Variants in NRXN1 observed in about 807,000 individuals in gnomAD.
NRXN1 encodes neurexin-1.
In NRXN1, 39 loss-of-function variants were observed where a neutral mutation model predicts 150.9. The observed-to-expected ratio is 0.26, with a 90% CI of 0.20 to 0.34. The LOEUF is 0.34. Ranked by LOEUF, NRXN1 falls within the 10% of genes least tolerant of loss-of-function variation. The probability of loss-of-function intolerance (pLI) is 1.00; values close to 1 mark genes in which losing one functional copy is unlikely to be tolerated. For synonymous variants in NRXN1, 924 were observed against 757.0 expected, an observed-to-expected ratio of 1.22 and a Z score of -3.62; for missense variants, 1,815 against 1,949.9, an observed-to-expected ratio of 0.93 and a Z score of 1.30.
At position 50,800,309 on chromosome 2, in the gene NRXN1, T is replaced by C. The variant is rs562821708; in HGVS notation, c.832+121560A>G. Among the ~76,000 whole-genome samples the C allele has an allele frequency of 1.6e-3, 248 of 152,340 alleles. 2 individuals carry two copies. Among genetic ancestry groups the C allele is most frequent in the African/African-American group, 5.8e-3 (241 of 41,586 alleles). ...GGATCACTCTTCCCGTCTCAAATCATCCTCTATTCACACCAGGTTAAGCCT... is the reference window on the plus strand; with the variant it reads ...GGATCACTCTTCCCGTCTCAAATCACCCTCTATTCACACCAGGTTAAGCCT... On this transcript the variant is annotated intron_variant, in intron 5 of 22. Transcript: ENST00000401669.
chr2:50,988,743 TTA>T (rs1437708100), intron 2 of NRXN1, among the ~76,000 whole-genome samples: 1 of 151,972 alleles, frequency 6.6e-6, no homozygotes, highest in Admixed American at 6.6e-5. Context: ...AACACAGGCG[TTA>T]GCAGCTGCTG....
chr2:50,896,185 G>A (rs1187743657), intron 5 of NRXN1, among the ~76,000 whole-genome samples: 1 of 151,962 alleles, frequency 6.6e-6, no homozygotes, highest in Non-Finnish European at 1.5e-5. Flanking sequence ...TCTTTCATCT[G>A]GTCTCTAAAT....
chr2:50,571,242 A>C (rs770504526), intron 8 of NRXN1, among the ~76,000 whole-genome samples: 1 of 152,206 alleles, frequency 6.6e-6, no homozygotes, highest in Non-Finnish European at 1.5e-5. Context: ...CAACCCTAAT[A>C]GCTGATTGCT....
intron 5 of NRXN1, among the ~76,000 whole-genome samples, chr2:50,750,727 G>A (rs966577947): frequency 2.6e-5 from 4 of 151,860 alleles, no homozygotes; most frequent in African/African-American, 9.7e-5. Flanking sequence ...AACCACCACC[G>A]AAGTACTGAC....
chr2:50,270,727 T>C (rs2069496147), intron 17 of NRXN1, among the ~76,000 whole-genome samples: 1 of 151,404 alleles, frequency 6.6e-6, no homozygotes, highest in South Asian at 2.1e-4. Context: ...TGGAGTGCAG[T>C]GGTGCGATCT....
intron 18 of NRXN1, among the ~76,000 whole-genome samples, chr2:50,182,769 G>T (rs1453741331): frequency 6.6e-6 from 1 of 152,008 alleles, no homozygotes; most frequent in Non-Finnish European, 1.5e-5. Context: ...TAAAAAGAAA[G>T]TTATTTCAAA....
intron 5 of NRXN1, among the ~76,000 whole-genome samples, chr2:50,746,525 T>C (rs1034747147): frequency 6.6e-6 from 1 of 151,636 alleles, no homozygotes; most frequent in African/African-American, 2.4e-5. Context: ...GATACTACAC[T>C]GCAGCCTGGG....
At chr2:50,991,855 G>A (rs1698592326) in intron 2 of NRXN1, among the ~76,000 whole-genome samples, 1 of 151,962 alleles carries the variant, frequency 6.6e-6, no homozygotes, top group Admixed American at 6.6e-5. Context: ...CATAACTTCA[G>A]TTTCAATAAA....
intron 2 of NRXN1, among the ~76,000 whole-genome samples, chr2:50,993,306 T>C (rs1698816446): frequency 6.6e-6 from 1 of 151,962 alleles, no homozygotes; most frequent in South Asian, 2.1e-4. Context: ...TATGCACATT[T>C]ATATAGTTAG....
chr2:50,496,000 A>G lies in NRXN1; in HGVS notation c.2975T>C (p.Met992Thr). Residue 992 changes from methionine to threonine, a missense_variant, in exon 15 of 23, where the codon ATG (methionine) becomes ACG (threonine). Met to Thr is a moderately conservative substitution (Grantham distance 81). Coordinates refer to ENST00000401669, the MANE Select transcript of NRXN1 (RefSeq NM_001330078.2). Reference sequence around the variant, plus strand: ...GAGGTTGCTGGTGTCCCTTGATATCATCACGTTGTGCCACTGATTGTCATT... The same window carrying G: ...GAGGTTGCTGGTGTCCCTTGATATCGTCACGTTGTGCCACTGATTGTCATT... ...PLNDNQWHNVMISRDTSNLHT... is the reference protein window; with the variant it reads ...PLNDNQWHNVTISRDTSNLHT... The G allele has an allele frequency of 6.2e-7, 1 of 1,613,758 alleles. No homozygotes were observed. Among genetic ancestry groups the G allele is most frequent in the Non-Finnish European group, 8.5e-7 (1 of 1,179,778 alleles).
At chr2:50,296,251 ACT>A (rs756171123) in intron 17 of NRXN1, among the ~76,000 whole-genome samples, 3 of 152,112 alleles carry the variant, frequency 2.0e-5, no homozygotes, top group South Asian at 2.1e-4. Flanking sequence ...TATCCATCTG[ACT>A]CTCTACACAA....
chr2:50,537,650 T>C (rs527508026), intron 10 of NRXN1, among the ~76,000 whole-genome samples: 37 of 152,284 alleles, frequency 2.4e-4, no homozygotes, highest in African/African-American at 8.9e-4. Flanking sequence ...TCCTCTGCAG[T>C]TGGTTAGGTC....
At chr2:50,022,799 T>A (rs1687764935) in intron 21 of NRXN1, 1 of 152,226 alleles carries the variant, frequency 6.6e-6, no homozygotes, top group African/African-American at 2.4e-5. Flanking sequence ...CTGTGATGAG[T>A]AGTCACTGAA....
chr2:50,472,604 TC>T, intron 15 of NRXN1, 133 bp from the exon 16 acceptor site: 1 of 641,950 alleles, frequency 1.6e-6, no homozygotes. Flanking sequence ...CTAGCTGTTT[TC>T]CCCAAAGTGC....
intron 21 of NRXN1, among the ~76,000 whole-genome samples, chr2:50,008,468 A>AT (rs3046626): frequency 0.012 from 1,589 of 136,352 alleles, 26 homozygotes; most frequent in African/African-American, 0.025. Flanking sequence ...GAAGGATGCC[A>AT]TTTTTTTTTT....
chr2:50,793,074 C>T (rs942210242), intron 5 of NRXN1, among the ~76,000 whole-genome samples: 1 of 152,012 alleles, frequency 6.6e-6, no homozygotes, highest in Non-Finnish European at 1.5e-5. Context: ...ACATTTCTTT[C>T]CACCGAGTGT....
intron 15 of NRXN1, among the ~76,000 whole-genome samples, chr2:50,491,037 C>A (rs1180630602): frequency 6.6e-6 from 1 of 152,180 alleles, no homozygotes; most frequent in Non-Finnish European, 1.5e-5. Flanking sequence ...CCCTCCACTT[C>A]CGGTGCCATA....
At chr2:50,782,383 T>C (rs111562705) in intron 5 of NRXN1, among the ~76,000 whole-genome samples, 3,589 of 151,932 alleles carry the variant, frequency 0.024, 67 homozygotes, top group Non-Finnish European at 0.034. Flanking sequence ...GGCAGGAGAA[T>C]CACTTGAACC....
intron 20 of NRXN1, 145 bp downstream of exon 20, chr2:50,054,810 C>G (rs1693350041): frequency 9.2e-6 from 5 of 543,660 alleles, no homozygotes; most frequent in Non-Finnish European, 1.6e-5. Context: ...GCAAATATTA[C>G]TATCTACATT....
Sources: allele counts gnomAD v4.1 joint callset (sites outside exome capture counted in the v4.1 genomes callset), GRCh38; gene constraint gnomAD v4.1.1; transcripts MANE v1.5; gene names NCBI Gene and HGNC (gene_info 2026-07-23, HGNC 2026-07-21).